LRFN1: variants seen among roughly 807,000 people sequenced by gnomAD.
LRFN1 encodes leucine rich repeat and fibronectin type III domain containing 1.
A neutral mutation model predicts 31.8 loss-of-function variants in LRFN1; 20 were observed. That is an observed-to-expected ratio of 0.63 (90% CI 0.44 to 0.91). LRFN1 has a LOEUF of 0.91. LRFN1 is among the 40% of genes least tolerant of loss of function. The pLI is 0.00. For synonymous variants in LRFN1, 514 were observed against 541.3 expected, an observed-to-expected ratio of 0.95 and a Z score of 0.70; for missense variants, 912 against 1,129.8, an observed-to-expected ratio of 0.81 and a Z score of 2.76.
intron 1 of LRFN1, among the ~76,000 whole-genome samples, chr19:39,319,433 T>TCA (rs59717724): frequency 0.24 from 35,488 of 149,254 alleles, 7,569 homozygotes; most frequent in African/African-American, 0.58. Context: ...GATACATACC[T>TCA]CACACACACA....
chr19:39,308,043 C>G lies in LRFN1; in HGVS notation c.1906G>C (p.Glu636Gln), dbSNP rs1158833998. Reference sequence around the variant, plus strand: ...CCCAGAGAACGTCCAAGGACCACCTCCGGCTCCGCGGATGCCGTCTCGGCC... The same window carrying G: ...CCCAGAGAACGTCCAAGGACCACCTGCGGCTCCGCGGATGCCGTCTCGGCC... ...MEAETASAEP[E>Q]VVLGRSLGGS... The change falls in exon 5 of 5, where the codon GAG becomes CAG. Residue 636 changes from glutamate to glutamine, a missense_variant. By Grantham distance (29) the Glu-to-Gln change is conservative (BLOSUM62 2). Coordinates refer to ENST00000248668, the MANE Select transcript of LRFN1 (RefSeq NM_020862.2). The surrounding 1 kb of genome is among the most constrained non-coding windows in gnomAD (Gnocchi z 6.2). 2 of 1,531,712 alleles carry G rather than the reference C, an allele frequency of 1.3e-6. No homozygotes were observed. The highest frequency in any genetic ancestry group is 4.0e-5 in the Admixed American group (2 of 49,756). The allele number at this position is 1,531,712 out of a possible 1,614,324, so 94.9% of individuals were successfully genotyped here. A position where few individuals can be genotyped will look rare whatever the true frequency, so the allele number is the denominator to read the frequency against.
intron 4 of LRFN1, among the ~76,000 whole-genome samples, chr19:39,311,205 G>A (rs946559633): frequency 1.1e-4 from 16 of 152,192 alleles, no homozygotes; most frequent in African/African-American, 3.9e-4. Context: ...CTGGTTGGCT[G>A]CCACCTCCGC....
At position 39,313,920 on chromosome 19, in the gene LRFN1, C is replaced by T; in HGVS notation, c.1406+11G>A. 4 of 1,575,648 alleles carry T rather than the reference C, an allele frequency of 2.5e-6. No homozygotes were observed. Among genetic ancestry groups the T allele is most frequent in the Non-Finnish European group, 3.4e-6 (4 of 1,160,470 alleles). ...GGGAGGAGGCCCTGGGACTGCAGCA[C>T]CCGCACCCACCTGTAGACGAGGGAG... On this transcript the variant is annotated intron_variant, in intron 4 of 4. Transcript: ENST00000248668.
chr19:39,308,376 G>T lies in LRFN1; in HGVS notation c.1573C>A (p.Arg525Ser). ...FTTAGDPAPC[R>S]PLRAHFLGGT... ...CCCAAGAAATGGGCCCTCAGCGGGC[G>T]GCAGGGCGCCGGATCCCCAGCGGTG... The change falls in exon 5 of 5, where the codon CGC (arginine) becomes AGC (serine). Residue 525 changes from arginine to serine, a missense_variant. Transcript: ENST00000248668. The surrounding 1 kb of genome is among the most constrained non-coding windows in gnomAD (Gnocchi z 6.2). 1 of 1,611,696 alleles carries T rather than the reference G, an allele frequency of 6.2e-7. No individual in the cohort carries two copies. The highest frequency in any genetic ancestry group is 1.1e-5 in the South Asian group (1 of 90,942).
chr19:39,317,435 GC>G (rs2075175420), intron 2 of LRFN1, among the ~76,000 whole-genome samples: 1 of 152,186 alleles, frequency 6.6e-6, no homozygotes, highest in Non-Finnish European at 1.5e-5. Context: ...GCCTGAGTCT[GC>G]CCCTGCTTGG....
At position 39,308,131 on chromosome 19, in the gene LRFN1, C is replaced by T. The variant is rs2075136618; in HGVS notation, c.1818G>A (p.Glu606=). 2 of 1,527,848 alleles carry T rather than the reference C, an allele frequency of 1.3e-6. No homozygotes were observed. Among genetic ancestry groups the T allele is most frequent in the Admixed American group, 2.1e-5 (1 of 48,218 alleles). The allele number at this position is 1,527,848 out of a possible 1,614,324, so 94.6% of individuals were successfully genotyped here. A position where few individuals can be genotyped will look rare whatever the true frequency, so the allele number is the denominator to read the frequency against. Residue 606 remains glutamate (E), a synonymous_variant, in exon 5 of 5, where the codon GAG becomes GAA. Coordinates refer to ENST00000248668, the MANE Select transcript of LRFN1 (RefSeq NM_020862.2). The surrounding 1 kb of genome is among the most constrained non-coding windows in gnomAD (Gnocchi z 6.2). ...APALPAQDHY[E]ALREVESQAA... ...CCTGGGACTCCACCTCGCGCAGCGC[C>T]TCGTAGTGGTCCTGGGCCGGCAGGG...
intron 4 of LRFN1, among the ~76,000 whole-genome samples, chr19:39,309,378 C>T (rs40570): frequency 0.12 from 18,279 of 146,390 alleles, 2,543 homozygotes; most frequent in African/African-American, 0.35. Context: ...CGCTTGAACC[C>T]GGGAGGTGGA....
At position 39,306,608 on chromosome 19, in the gene LRFN1, T is replaced by G. The variant is rs1285122541; in HGVS notation, c.*1025A>C. The G allele has an allele frequency of 6.6e-6, 1 of 152,118 alleles. No homozygotes were observed. Among genetic ancestry groups the G allele is most frequent in the East Asian group, 1.9e-4 (1 of 5,192 alleles). The allele number at this position is 152,118 out of a possible 1,614,324, so 9.4% of individuals were successfully genotyped here. On this transcript the variant is annotated 3_prime_UTR_variant, in exon 5 of 5. Transcript: ENST00000248668. ...TTTATTTTTGTGATTATTCCCCACC[T>G]CTAAGTCTCTCAGAGGATAAAAGCC...
chr19:39,311,746 G>A (rs2075151072), intron 4 of LRFN1, among the ~76,000 whole-genome samples: 1 of 152,080 alleles, frequency 6.6e-6, no homozygotes, highest in African/African-American at 2.4e-5. Context: ...GCTGGGCCAG[G>A]ATCTAACCTA....
chr19:39,311,341 G>A (rs952971691), intron 4 of LRFN1, among the ~76,000 whole-genome samples: 1 of 152,048 alleles, frequency 6.6e-6, no homozygotes, highest in Non-Finnish European at 1.5e-5. Flanking sequence ...GCCCAGCTGG[G>A]GACAGGGGGC....
chr19:39,309,455 T>C (rs1232984388), intron 4 of LRFN1, among the ~76,000 whole-genome samples: 1 of 104,624 alleles, frequency 9.6e-6, no homozygotes, highest in Non-Finnish European at 1.6e-5. Context: ...AGACCGAGAC[T>C]CTGTCTCAAA....
rs371889182 is a variant in LRFN1 at position 39,314,464 on chromosome 19, C to T, written c.873G>A (p.Glu291=). ...LTDRYFWSIP[E]EEFLCEPPLI... is the part of the protein sequence containing the mutation. The stretch of plus-strand genomic sequence containing the variant: ...GCGGGGGCTCACACAGGAACTCCTC[C>T]TCGGGGATGGACCAGAAGTAGCGGT... The change falls in exon 4 of 5, where the codon GAG becomes GAA. Residue 291 remains glutamate, a synonymous_variant. Transcript: ENST00000248668. 110 of 1,610,396 alleles carry T rather than the reference C, an allele frequency of 6.8e-5. No individual in the cohort carries two copies. In the Middle Eastern group the frequency reaches 1.2e-3, roughly 17 times the overall value.
Position 39,307,760 on chromosome 19 carries a change from C to G in LRFN1, c.2189G>C (p.Arg730Pro). ...AGCCCCGTCCAGGTGCGGCGTGGAC[C>G]GGTGGCGCTTTGTCCGCCGGGCGCG... The part of the protein sequence containing the change: ...PRRARRTKRH[R>P]STPHLDGAGG... Residue 730 changes from arginine (R) to proline (P), a missense_variant, in exon 5 of 5, where the codon CGG becomes CCG. This residue lies in a region of LRFN1 where 511 missense variants were observed against 557.0 expected (regional missense o/e 0.92). Coordinates refer to ENST00000248668, the MANE Select transcript of LRFN1 (RefSeq NM_020862.2). This position sits in a 1 kb window ranked among gnomAD's most constrained non-coding sequence, Gnocchi z 6.7. The G allele has an allele frequency of 3.4e-6, 5 of 1,489,670 alleles. No individual in the cohort carries two copies. The highest frequency in any genetic ancestry group is 4.4e-6 in the Non-Finnish European group (5 of 1,129,520). The allele number at this position is 1,489,670 out of a possible 1,614,324, so 92.3% of individuals were successfully genotyped here.
Position 39,307,590 on chromosome 19 carries a change from G to A in LRFN1, c.*43C>T. 2.9e-6 allele frequency: 4 copies of A among 1,368,438 alleles called. No individual in the cohort carries two copies. The highest frequency in any genetic ancestry group is 3.7e-6 in the Non-Finnish European group (4 of 1,067,488). The allele number at this position is 1,368,438 out of a possible 1,614,324, so 84.8% of individuals were successfully genotyped here. A position where few individuals can be genotyped will look rare whatever the true frequency, so the allele number is the denominator to read the frequency against. On this transcript the variant is annotated 3_prime_UTR_variant, in exon 5 of 5. Transcript: ENST00000248668. The surrounding 1 kb of genome is among the most constrained non-coding windows in gnomAD (Gnocchi z 6.7). ...CGCCCCAGCGTCCGTGCGGCTGGGC[G>A]TTTGGTCTGCGGCACCCAGGCGTCC...
Position 39,307,528 on chromosome 19 carries a change from T to C in LRFN1, c.*105A>G. ...CGGGGACAAGGGCGCGTCTCCACTC[T>C]GGTCCAATGTCTTGGCGCTGCGCTT... On this transcript the variant is annotated 3_prime_UTR_variant, in exon 5 of 5. Transcript: ENST00000248668. The surrounding 1 kb of genome is among the most constrained non-coding windows in gnomAD (Gnocchi z 6.7). 1.6e-6 allele frequency: 2 copies of C among 1,237,590 alleles called. No individual in the cohort carries two copies. Among genetic ancestry groups the C allele is most frequent in the Non-Finnish European group, 1.0e-6 (1 of 965,714 alleles). The allele number at this position is 1,237,590 out of a possible 1,614,324, so 76.7% of individuals were successfully genotyped here.
Position 39,307,380 on chromosome 19 carries a change from G to A in LRFN1, c.*253C>T, listed in dbSNP as rs2075132615. The A allele has an allele frequency of 1.2e-5, 5 of 408,862 alleles. No individual in the cohort carries two copies. Among genetic ancestry groups the A allele is most frequent in the Admixed American group, 8.8e-5 (2 of 22,742 alleles). 25.3% of individuals were successfully genotyped at this position (408,862 alleles called of 1,614,324 possible). A position where few individuals can be genotyped will look rare whatever the true frequency, so the allele number is the denominator to read the frequency against. On this transcript the variant is annotated 3_prime_UTR_variant, in exon 5 of 5. Coordinates refer to ENST00000248668, the MANE Select transcript of LRFN1 (RefSeq NM_020862.2). The surrounding 1 kb of genome is among the most constrained non-coding windows in gnomAD (Gnocchi z 6.7). Reference sequence around the variant, plus strand: ...AGCGAGGTCCGCGAGCGCGCGAGGGGAGGGGTAGGAGGGGGGTCGAGGAGT... The same window carrying A: ...AGCGAGGTCCGCGAGCGCGCGAGGGAAGGGGTAGGAGGGGGGTCGAGGAGT...
chr19:39,308,626 G>A lies in LRFN1; in HGVS notation c.1407-84C>T, dbSNP rs151106745. 1,226 of 1,250,380 alleles carry A rather than the reference G, an allele frequency of 9.8e-4. 3 individuals are homozygous for A. The African/African-American group carries it at 0.015, about 16-fold the overall frequency. 77.5% of individuals were successfully genotyped at this position (1,250,380 alleles called of 1,614,324 possible). On this transcript the variant is annotated intron_variant, in intron 4 of 4. Transcript: ENST00000248668. This position sits in a 1 kb window ranked among gnomAD's most constrained non-coding sequence, Gnocchi z 6.2. ...TTATGCCCCGCCCATGGTGAACAGTGGGGACTAAACCCTGCTATCGAAGTC... is the reference window on the plus strand; with the variant it reads ...TTATGCCCCGCCCATGGTGAACAGTAGGGACTAAACCCTGCTATCGAAGTC...
In LRFN1 at chr19:39,309,495, A is replaced by C. The variant is rs918028317; in HGVS notation, c.1407-953T>G. 1.0e-3 allele frequency among the ~76,000 whole-genome samples: 154 copies of C among 149,744 alleles called. 5 individuals are homozygous for C. The highest frequency in any genetic ancestry group is 3.6e-3 in the African/African-American group (146 of 40,616). On this transcript the variant is annotated intron_variant, in intron 4 of 4. Coordinates refer to ENST00000248668, the MANE Select transcript of LRFN1 (RefSeq NM_020862.2). ...AAACAAACCAAAAAAAAAAAAAAAA[A>C]AAAAAAAAAAAACCATCTAGCTTTG...
intron 4 of LRFN1, among the ~76,000 whole-genome samples, chr19:39,311,875 C>CTTTTTTT (rs562002567): frequency 9.9e-6 from 1 of 100,660 alleles, no homozygotes; most frequent in African/African-American, 4.2e-5. Flanking sequence ...AAAAGGGAGG[C>CTTTTTTT]TTTTTTTTTT....
Sources: allele counts gnomAD v4.1 joint callset (sites outside exome capture counted in the v4.1 genomes callset), GRCh38; gene constraint gnomAD v4.1.1; regional missense constraint gnomAD v4.1.1; non-coding constraint Gnocchi (gnomAD v3.1); transcripts MANE v1.5; gene names NCBI Gene and HGNC (gene_info 2026-07-23, HGNC 2026-07-21).